Variants in KCND2 observed in about 807,000 individuals in gnomAD.
KCND2 encodes the protein potassium voltage-gated channel subfamily D member 2, also known as A-type voltage-gated potassium channel KCND2.
A neutral mutation model predicts 54.4 loss-of-function variants in KCND2; 16 were observed. That is an observed-to-expected ratio of 0.29 (90% CI 0.20 to 0.45). The LOEUF is 0.45. Ranked by LOEUF, KCND2 falls within the 20% of genes least tolerant of loss-of-function variation. The pLI is 1.00. For missense variants in KCND2, 486 were observed against 824.2 expected (o/e 0.59, Z 5.02); for synonymous variants, 317 against 310.7 (o/e 1.02, Z -0.21).
intron 1 of KCND2, among the ~76,000 whole-genome samples, chr7:120,360,744 G>C (rs1031452286): frequency 6.6e-6 from 1 of 151,778 alleles, no homozygotes; most frequent in African/African-American, 2.4e-5. Context: ...TAATCTTGAC[G>C]CCAGTGTTAC....
chr7:120,406,084 T>C (rs1474172576), intron 1 of KCND2, among the ~76,000 whole-genome samples: 1 of 152,012 alleles, frequency 6.6e-6, no homozygotes, highest in African/African-American at 2.4e-5. Flanking sequence ...CAAACAAATA[T>C]CTTAATGTAA....
intron 1 of KCND2, among the ~76,000 whole-genome samples, chr7:120,382,782 T>C (rs964061986): frequency 6.6e-6 from 1 of 151,854 alleles, no homozygotes; most frequent in Non-Finnish European, 1.5e-5. Context: ...ATAAATCCCT[T>C]GGAGCAACTC....
chr7:120,351,373 C>T (rs1249887168), intron 1 of KCND2, among the ~76,000 whole-genome samples: 95 of 72,672 alleles, frequency 1.3e-3, no homozygotes, highest in African/African-American at 8.8e-3. Context: ...CATACACACA[C>T]ACACACACAC....
intron 1 of KCND2, among the ~76,000 whole-genome samples, chr7:120,684,317 G>A (rs139425776): frequency 2.6e-5 from 4 of 152,194 alleles, no homozygotes; most frequent in South Asian, 2.1e-4. Flanking sequence ...TCTAGTACAC[G>A]TAATTAGAAG....
intron 1 of KCND2, among the ~76,000 whole-genome samples, chr7:120,511,621 C>T (rs1295585794): frequency 6.6e-6 from 1 of 152,074 alleles, no homozygotes; most frequent in African/African-American, 2.4e-5. Context: ...TTGTCATTTT[C>T]TGCAGGGGAA....
intron 1 of KCND2, among the ~76,000 whole-genome samples, chr7:120,387,302 A>G (rs903943250): frequency 3.9e-5 from 6 of 152,092 alleles, no homozygotes; most frequent in East Asian, 3.9e-4. Context: ...ATTTTGGTAT[A>G]AATCAAAATT....
intron 1 of KCND2, among the ~76,000 whole-genome samples, chr7:120,476,751 A>G (rs1196673297): frequency 6.6e-6 from 1 of 152,182 alleles, no homozygotes; most frequent in Non-Finnish European, 1.5e-5. Context: ...TTTCCAAAAG[A>G]GATTTGTGTT....
chr7:120,742,449 C>T lies in KCND2; in HGVS notation c.1375-61C>T, dbSNP rs1042286560. ...CAGATCTCTCTGTGGAAATATGTAG[C>T]CGAGGTTCGAGTTGTTTGCAAATAA... is the stretch of plus-strand genomic sequence containing the variant. On this transcript the variant is annotated intron_variant, in intron 3 of 5. Coordinates refer to ENST00000331113, the MANE Select transcript of KCND2 (RefSeq NM_012281.3). 76 of 1,300,480 alleles carry T rather than the reference C, an allele frequency of 5.8e-5. No individual in the cohort carries two copies. The African/African-American group carries it at 1.0e-3, about 18-fold the overall frequency. The allele number at this position is 1,300,480 out of a possible 1,614,324, so 80.6% of individuals were successfully genotyped here. A position where few individuals can be genotyped will look rare whatever the true frequency, so the allele number is the denominator to read the frequency against.
intron 1 of KCND2, among the ~76,000 whole-genome samples, chr7:120,384,039 G>C (rs1451441757): frequency 6.6e-6 from 1 of 151,984 alleles, no homozygotes; most frequent in East Asian, 1.9e-4. Context: ...GAGTGCTCAG[G>C]TCCCTGATAT....
chr7:120,504,860 T>A (rs2116322155), intron 1 of KCND2, among the ~76,000 whole-genome samples: 1 of 151,700 alleles, frequency 6.6e-6, no homozygotes, highest in Non-Finnish European at 1.5e-5. Context: ...GAATTCCAGA[T>A]CACTCATGAA....
At chr7:120,384,562 C>T (rs560829658) in intron 1 of KCND2, among the ~76,000 whole-genome samples, 3 of 152,236 alleles carry the variant, frequency 2.0e-5, no homozygotes, top group South Asian at 4.1e-4. Context: ...ATTGCATATA[C>T]ATGAAATATC....
At chr7:120,649,276 G>A (rs999171199) in intron 1 of KCND2, among the ~76,000 whole-genome samples, 1 of 151,528 alleles carries the variant, frequency 6.6e-6, no homozygotes, top group Non-Finnish European at 1.5e-5. Context: ...AGCACTGATG[G>A]GATTTTTTAA....
chr7:120,331,840 T>C (rs890715417), intron 1 of KCND2, among the ~76,000 whole-genome samples: 2 of 152,118 alleles, frequency 1.3e-5, no homozygotes, highest in Non-Finnish European at 2.9e-5. Flanking sequence ...TGCTGCATAT[T>C]GTGTCATATC....
At chr7:120,294,817 C>A (rs1358781128) in intron 1 of KCND2, among the ~76,000 whole-genome samples, 1 of 151,718 alleles carries the variant, frequency 6.6e-6, no homozygotes, top group Non-Finnish European at 1.5e-5. Flanking sequence ...TATGTACATA[C>A]ACACATATAC....
intron 1 of KCND2, among the ~76,000 whole-genome samples, chr7:120,328,319 G>C (rs1049322767): frequency 1.3e-5 from 2 of 152,118 alleles, no homozygotes; most frequent in Non-Finnish European, 2.9e-5. Context: ...GCTAGGCTCT[G>C]TGAATTATCT....
chr7:120,680,966 C>T (rs887246067), intron 1 of KCND2, among the ~76,000 whole-genome samples: 2 of 152,080 alleles, frequency 1.3e-5, no homozygotes, highest in Admixed American at 6.6e-5. Context: ...TAACATAATA[C>T]TTACATGTTT....
At chr7:120,589,397 A>G (rs1792642368) in intron 1 of KCND2, among the ~76,000 whole-genome samples, 1 of 152,226 alleles carries the variant, frequency 6.6e-6, no homozygotes, top group African/African-American at 2.4e-5. Context: ...GTATACACAA[A>G]TATATTAAAG....
intron 1 of KCND2, among the ~76,000 whole-genome samples, chr7:120,411,972 C>A (rs979248118): frequency 1.3e-5 from 2 of 151,912 alleles, no homozygotes; most frequent in East Asian, 1.9e-4. Context: ...GGCTAAGCAC[C>A]ATCTAGCAAC....
intron 1 of KCND2, among the ~76,000 whole-genome samples, chr7:120,513,948 A>C (rs1298103900): frequency 6.6e-6 from 1 of 152,088 alleles, no homozygotes; most frequent in East Asian, 1.9e-4. Context: ...CTAACATTTA[A>C]TGTGTTATTA....
Sources: allele counts gnomAD v4.1 joint callset (sites outside exome capture counted in the v4.1 genomes callset), GRCh38; gene constraint gnomAD v4.1.1; transcripts MANE v1.5; gene names NCBI Gene and HGNC (gene_info 2026-07-23, HGNC 2026-07-21).